Variants in MED14 observed in about 807,000 individuals in gnomAD.
MED14 encodes the protein mediator of RNA polymerase II transcription subunit 14.
A neutral mutation model predicts 109.0 loss-of-function variants in MED14; 8 were observed. The observed-to-expected ratio is 0.07, with a 90% CI of 0.04 to 0.13. The LOEUF is 0.13. Ranked by LOEUF, MED14 falls within the 10% of genes least tolerant of loss-of-function variation. The pLI, the probability that MED14 is intolerant of heterozygous loss-of-function variation, is 1.00. For synonymous variants in MED14, 399 were observed against 408.7 expected (o/e 0.98, Z 0.29); for missense variants, 711 against 1,142.4 (o/e 0.62, Z 5.44).
Position 40,651,773 on chromosome X carries a change from C to T in MED14, c.*33G>A. The T allele has an allele frequency of 8.7e-7, 1 of 1,151,222 alleles. No homozygotes were observed. Among genetic ancestry groups the T allele is most frequent in the African/African-American group, 1.8e-5 (1 of 54,587 alleles). 94.9% of individuals were successfully genotyped at this position (1,151,222 alleles called of 1,213,427 possible). On this transcript the variant is annotated 3_prime_UTR_variant, in exon 31 of 31. Transcript: ENST00000324817. ...ATTCAGATTTTTTTTGTTGTCTCAT[C>T]TGTCAGCCTTCCTGGTTTAAAAACA...
chrX:40,690,185 G>A (rs1930445510), intron 15 of MED14, among the ~76,000 whole-genome samples: 1 of 112,191 alleles, frequency 8.9e-6, no homozygotes, highest in South Asian at 3.7e-4. Context: ...ACACTCCACA[G>A]TTTAGGAGCT....
chrX:40,723,144 C>G (rs926430654), intron 3 of MED14, among the ~76,000 whole-genome samples: 1 of 111,807 alleles, frequency 8.9e-6, no homozygotes, highest in African/African-American at 3.2e-5. Context: ...GGTAAACCAA[C>G]AGGAAATCGT....
At chrX:40,676,111 T>A in intron 21 of MED14, among the ~76,000 whole-genome samples, 1 of 111,480 alleles carries the variant, frequency 9.0e-6, no homozygotes, top group Middle Eastern at 4.6e-3. Flanking sequence ...TGGCAAAACC[T>A]CATCTCTACA....
intron 21 of MED14, among the ~76,000 whole-genome samples, chrX:40,677,618 A>G (rs1357333321): frequency 8.9e-6 from 1 of 112,002 alleles, no homozygotes; most frequent in Non-Finnish European, 1.9e-5. Flanking sequence ...ATTGGTAGAA[A>G]TAAAAAATAG....
At chrX:40,690,280 G>C (rs1930450064) in intron 15 of MED14, among the ~76,000 whole-genome samples, 1 of 111,271 alleles carries the variant, frequency 9.0e-6, no homozygotes, top group Admixed American at 9.5e-5. Context: ...TTTATTTTAG[G>C]TGCCTGTTTC....
intron 10 of MED14, among the ~76,000 whole-genome samples, chrX:40,704,474 C>T (rs1931062906): frequency 8.9e-6 from 1 of 112,053 alleles, no homozygotes; most frequent in African/African-American, 3.2e-5. Flanking sequence ...GGCCTTTCAC[C>T]AGGCGTGGCT....
Position 40,675,172 on chromosome X carries a change from G to C in MED14, c.3021+49C>G, listed in dbSNP as rs1056843704. 2.7e-6 allele frequency: 3 copies of C among 1,101,120 alleles called. No individual in the cohort carries two copies. In the African/African-American group the frequency reaches 5.7e-5, roughly 21 times the overall value. 90.7% of individuals were successfully genotyped at this position (1,101,120 alleles called of 1,213,427 possible). A position where few individuals can be genotyped will look rare whatever the true frequency, so the allele number is the denominator to read the frequency against. On this transcript the variant is annotated intron_variant, in intron 22 of 30. Transcript: ENST00000324817. ...TGAAGTCTTGACACCTATAGAACCT[G>C]TGAAGTTACAGAAATGTGATACCAC...
intron 23 of MED14, among the ~76,000 whole-genome samples, chrX:40,670,162 G>C: frequency 8.9e-6 from 1 of 112,161 alleles, no homozygotes. Flanking sequence ...CAGGGTGTGA[G>C]TGCCTAGGCA....
At chrX:40,678,689 C>T (rs1194564633) in intron 21 of MED14, among the ~76,000 whole-genome samples, 1 of 109,768 alleles carries the variant, frequency 9.1e-6, no homozygotes, top group Non-Finnish European at 1.9e-5. Context: ...GGGTGTGGTC[C>T]CAACTACTGG....
At position 40,712,159 on chromosome X, in the gene MED14, T is replaced by C. The variant is rs768318349; in HGVS notation, c.889+27A>G. On this transcript the variant is annotated intron_variant, in intron 7 of 30. Coordinates refer to ENST00000324817, the MANE Select transcript of MED14 (RefSeq NM_004229.4). ...AGAGGTACCACAAAATCCTTACAAA[T>C]ATATGTCTCAAATTTCAGAAGGATA... The C allele has an allele frequency of 9.3e-6, 10 of 1,074,599 alleles. No individual in the cohort carries two copies. The South Asian group carries it at 1.8e-4, about 20-fold the overall frequency. The allele number at this position is 1,074,599 out of a possible 1,213,427, so 88.6% of individuals were successfully genotyped here.
At chrX:40,672,185 A>C (rs1255116414) in intron 22 of MED14, among the ~76,000 whole-genome samples, 1 of 112,238 alleles carries the variant, frequency 8.9e-6, no homozygotes, top group African/African-American at 3.2e-5. Context: ...AAATAGCAAC[A>C]TCCTCTTTCC....
chrX:40,649,672 C>A lies in MED14; in HGVS notation c.*2134G>T. The A allele has an allele frequency of 3.3e-6, 3 of 919,512 alleles. No individual in the cohort carries two copies. The highest frequency in any genetic ancestry group is 4.1e-6 in the Non-Finnish European group (3 of 731,300). The allele number at this position is 919,512 out of a possible 1,213,427, so 75.8% of individuals were successfully genotyped here. A position where few individuals can be genotyped will look rare whatever the true frequency, so the allele number is the denominator to read the frequency against. ...TGGGCATCCAGTCCCCTTGATCGAA[C>A]CTGGGTAACAAAAGAGGCAAAAGAC... On this transcript the variant is annotated 3_prime_UTR_variant, in exon 31 of 31. Transcript: ENST00000324817.
intron 1 of MED14, among the ~76,000 whole-genome samples, chrX:40,732,854 G>A (rs1228337735): frequency 2.7e-5 from 3 of 110,437 alleles, no homozygotes; most frequent in Non-Finnish European, 5.7e-5. Context: ...TTCAGGACAT[G>A]CAGTTAAAGA....
chrX:40,664,130 C>T (rs1929393003), intron 25 of MED14, among the ~76,000 whole-genome samples, 177 bp downstream of exon 25: 1 of 111,049 alleles, frequency 9.0e-6, no homozygotes, highest in Admixed American at 9.6e-5. Context: ...TGTGAAGGCT[C>T]ACAGAGGGCA....
intron 1 of MED14, among the ~76,000 whole-genome samples, chrX:40,733,493 TGGA>T (rs1291503456): frequency 8.9e-6 from 1 of 111,751 alleles, no homozygotes; most frequent in African/African-American, 3.3e-5. Flanking sequence ...GGCTATTTTG[TGGA>T]GAAGAAACTA....
intron 13 of MED14, among the ~76,000 whole-genome samples, chrX:40,693,786 G>GAA (rs1458028628): frequency 1.8e-5 from 2 of 111,627 alleles, no homozygotes; most frequent in Non-Finnish European, 3.8e-5. Context: ...TGGTCACTGT[G>GAA]AGGGTAACAA....
At chrX:40,735,100 G>T in intron 1 of MED14, 98 bp downstream of exon 1, 1 of 615,487 alleles carries the variant, frequency 1.6e-6, no homozygotes, top group Non-Finnish European at 2.3e-6. Context: ...GTCCAGCGGA[G>T]AACACAGCAG....
chrX:40,719,825 A>T (rs1931653325), intron 3 of MED14, among the ~76,000 whole-genome samples: 1 of 112,256 alleles, frequency 8.9e-6, no homozygotes, highest in Non-Finnish European at 1.9e-5. Flanking sequence ...GCTACTGAAA[A>T]AAATATCTAG....
At chrX:40,660,099 G>A (rs1337364834) in intron 26 of MED14, among the ~76,000 whole-genome samples, 2 of 111,776 alleles carry the variant, frequency 1.8e-5, no homozygotes, top group African/African-American at 6.5e-5. Flanking sequence ...ATTTTTTTTA[G>A]GTATGAGAAT....
Sources: gnomAD v4.1 joint callset for allele counts (sites outside exome capture counted in the v4.1 genomes callset) on GRCh38, gnomAD v4.1.1 for gene constraint, MANE v1.5 for transcripts, NCBI Gene and HGNC (gene_info 2026-07-23, HGNC 2026-07-21) for gene names.